SZT2: variants seen among roughly 807,000 people sequenced by gnomAD.
The protein encoded by SZT2 is KICSTOR complex protein SZT2.
SZT2 carries 216 observed loss-of-function variants against 404.2 expected under a neutral mutation model. The observed-to-expected ratio is 0.53, with a 90% confidence interval of 0.48 to 0.60. The LOEUF (loss-of-function observed/expected upper bound fraction) is 0.60. Ranked by LOEUF, SZT2 falls within the 20% of genes least tolerant of loss-of-function variation. The pLI is 0.00. For synonymous variants in SZT2, 1,693 were observed against 1,749.9 expected (o/e 0.97, Z 0.81); for missense variants, 3,857 against 4,459.2 (o/e 0.86, Z 3.85).
chr1:43,433,661 A>C (rs919775618), intron 40 of SZT2, among the ~76,000 whole-genome samples: 5 of 152,210 alleles, frequency 3.3e-5, no homozygotes, highest in Admixed American at 6.5e-5. Flanking sequence ...AGGCGCCTGT[A>C]GTCCCAGCTA....
rs1250682532 is a variant in SZT2 at position 43,441,628 on chromosome 1, C to G, written c.7609+27C>G. 1.9e-6 allele frequency: 3 copies of G among 1,613,966 alleles called. No individual in the cohort carries two copies. The South Asian group carries it at 3.3e-5, about 18-fold the overall frequency. On this transcript the variant is annotated intron_variant, in intron 54 of 71. Transcript: ENST00000634258. This position sits in a 1 kb window ranked among gnomAD's most constrained non-coding sequence, Gnocchi z 4.8. ...TGAGACCCCAGCCTCCCCTCCCATC[C>G]CTCAACCCCAGCCTGGTCTCCATCC...
At chr1:43,406,154 C>T in intron 4 of SZT2, 1 of 216,382 alleles carries the variant, frequency 4.6e-6, no homozygotes, top group Non-Finnish European at 9.7e-6. Context: ...GTGGTGCAAC[C>T]TTGGCTCACT....
chr1:43,421,658 A>G (rs956457853), intron 11 of SZT2, among the ~76,000 whole-genome samples: 7 of 152,220 alleles, frequency 4.6e-5, no homozygotes, highest in African/African-American at 1.7e-4. Context: ...ACCAGCCACC[A>G]TGAACTGTGT....
Position 43,441,695 on chromosome 1 carries a change from C to T in SZT2, c.7619C>T (p.Ser2540Leu), listed in dbSNP as rs1460008438. The change falls in exon 55 of 72, where the codon TCA (serine) becomes TTA (leucine). Residue 2540 changes from serine (S) to leucine (L), a missense_variant. Ser to Leu is a moderately radical substitution (Grantham distance 145). Coordinates refer to ENST00000634258, the MANE Select transcript of SZT2 (RefSeq NM_001365999.1). This position sits in a 1 kb window ranked among gnomAD's most constrained non-coding sequence, Gnocchi z 4.8. ...CTCCTCTGCCTCCTAGGTTGTGCCT[C>T]AGTGTCCAGAAGCTCTGCCCACATG... is the stretch of plus-strand genomic sequence containing the variant. ...MEFMVQIGCA[S>L]VSRSSAHMVS... 1.9e-6 allele frequency: 3 copies of T among 1,614,200 alleles called. No individual in the cohort carries two copies.
At chr1:43,395,921 TAGA>T (rs996598448) in intron 1 of SZT2, among the ~76,000 whole-genome samples, 4 of 152,186 alleles carry the variant, frequency 2.6e-5, no homozygotes, top group South Asian at 2.1e-4. Flanking sequence ...AGAGATTTAG[TAGA>T]AGAAGAAACA....
intron 65 of SZT2, 126 bp downstream of exon 65, chr1:43,446,542 GCTAT>G: frequency 2.6e-6 from 3 of 1,147,616 alleles, no homozygotes; most frequent in Non-Finnish European, 2.5e-6. Context: ...TTGATTCACT[GCTAT>G]GGCCTGGCTA....
chr1:43,453,803 G>A lies in SZT2; in HGVS notation c.*3323G>A. 1 of 1,257,048 alleles carries A rather than the reference G, an allele frequency of 8.0e-7. No individual in the cohort carries two copies. Among genetic ancestry groups the A allele is most frequent in the Admixed American group, 4.1e-5 (1 of 24,316 alleles). 77.9% of individuals were successfully genotyped at this position (1,257,048 alleles called of 1,614,324 possible). A position where few individuals can be genotyped will look rare whatever the true frequency, so the allele number is the denominator to read the frequency against. On this transcript the variant is annotated 3_prime_UTR_variant, in exon 72 of 72. Coordinates refer to ENST00000634258, the MANE Select transcript of SZT2 (RefSeq NM_001365999.1). ...AGCGCAGCGGCGCCATGCCTGGGGA[G>A]GCCGGGCCGGGCGGAGTCCGCGGGA...
chr1:43,424,590 A>G lies in SZT2; in HGVS notation c.2471+158A>G, dbSNP rs1458046050. On this transcript the variant is annotated intron_variant, in intron 16 of 71. Transcript: ENST00000634258. This position sits in a 1 kb window ranked among gnomAD's most constrained non-coding sequence, Gnocchi z 4.1. ...ACTGCCCTCCCTGTCTCCTCCCATCACCCGATTTGTTTTGTCCTCTCTCAT... is the reference window on the plus strand; with the variant it reads ...ACTGCCCTCCCTGTCTCCTCCCATCGCCCGATTTGTTTTGTCCTCTCTCAT... 6.6e-6 allele frequency among the ~76,000 whole-genome samples: 1 copy of G among 151,922 alleles called. No individual in the cohort carries two copies.
rs1656349967 is a variant in SZT2 at position 43,451,121 on chromosome 1, G to A, written c.*641G>A. The A allele has an allele frequency of 1.0e-6, 1 of 995,200 alleles. No individual in the cohort carries two copies. The highest frequency in any genetic ancestry group is 1.6e-6 in the Non-Finnish European group (1 of 622,634). The allele number at this position is 995,200 out of a possible 1,614,324, so 61.6% of individuals were successfully genotyped here. A position where few individuals can be genotyped will look rare whatever the true frequency, so the allele number is the denominator to read the frequency against. ...GAGAAACTGAAGTGTTAGACACTAT[G>A]TGTCCCACCACCCCATTACAGAGAC... On this transcript the variant is annotated 3_prime_UTR_variant, in exon 72 of 72. Transcript: ENST00000634258.
In SZT2 at chr1:43,426,621, T is replaced by G; in HGVS notation, c.3214+83T>G. 1 of 1,514,530 alleles carries G rather than the reference T, an allele frequency of 6.6e-7. No individual in the cohort carries two copies. Among genetic ancestry groups the G allele is most frequent in the East Asian group, 2.5e-5 (1 of 40,598 alleles). 93.8% of individuals were successfully genotyped at this position (1,514,530 alleles called of 1,614,324 possible). A position where few individuals can be genotyped will look rare whatever the true frequency, so the allele number is the denominator to read the frequency against. ...TCACAGGGTGATTTCTGTCTTTGAGTTTTGGCTTTCCCCTTCCTCCCCCTT... is the reference window on the plus strand; with the variant it reads ...TCACAGGGTGATTTCTGTCTTTGAGGTTTGGCTTTCCCCTTCCTCCCCCTT... On this transcript the variant is annotated intron_variant, in intron 22 of 71. Coordinates refer to ENST00000634258, the MANE Select transcript of SZT2 (RefSeq NM_001365999.1). This position sits in a 1 kb window ranked among gnomAD's most constrained non-coding sequence, Gnocchi z 4.9.
chr1:43,428,417 G>A lies in SZT2; in HGVS notation c.4097G>A (p.Gly1366Glu). ...CCAAGTCCTGGTCCTCTCAGCCCTG[G>A]GCCCTTCAGCAGCAGCATGGAGGAG... is the stretch of plus-strand genomic sequence containing the variant. ...APPSPGPLSP[G>E]PFSSSMEEGA... is the part of the protein sequence containing the mutation. Residue 1366 changes from glycine to glutamate, a missense_variant, in exon 28 of 72, where the codon GGG (glycine) becomes GAG (glutamate). Physicochemically the swap from Gly to Glu is moderately conservative, Grantham distance 98 (BLOSUM62 -2). Coordinates refer to ENST00000634258, the MANE Select transcript of SZT2 (RefSeq NM_001365999.1). 1 of 1,614,142 alleles carries A rather than the reference G, an allele frequency of 6.2e-7. No individual in the cohort carries two copies. Among genetic ancestry groups the A allele is most frequent in the Non-Finnish European group, 8.5e-7 (1 of 1,180,020 alleles).
chr1:43,438,309 T>C, intron 46 of SZT2: 1 of 340,038 alleles, frequency 2.9e-6, no homozygotes, highest in South Asian at 2.7e-5. Flanking sequence ...AGGATGGTTA[T>C]TTGGGATATA....
intron 40 of SZT2, among the ~76,000 whole-genome samples, chr1:43,433,500 G>A (rs1654144559): frequency 6.6e-6 from 1 of 152,186 alleles, no homozygotes; most frequent in South Asian, 2.1e-4. Context: ...AGCATAATAA[G>A]GCTGGGCGTG....
At chr1:43,446,290 C>T in intron 64 of SZT2, 31 bp downstream of exon 64, 1 of 1,613,986 alleles carries the variant, frequency 6.2e-7, no homozygotes, top group African/African-American at 1.3e-5. Flanking sequence ...GTGGAGACAG[C>T]CAGACCCACC....
chr1:43,409,445 G>A, intron 4 of SZT2: 2 of 376,342 alleles, frequency 5.3e-6, no homozygotes, highest in Admixed American at 3.6e-5. Context: ...GAGAAAGAAA[G>A]AAAGGTCATC....
chr1:43,440,024 C>G lies in SZT2; in HGVS notation c.7186C>G (p.Leu2396Val), dbSNP rs746965016. 1 of 1,614,060 alleles carries G rather than the reference C, an allele frequency of 6.2e-7. No homozygotes were observed. The highest frequency in any genetic ancestry group is 8.5e-7 in the Non-Finnish European group (1 of 1,179,960). The change falls in exon 51 of 72, where the codon CTA (leucine) becomes GTA (valine). Residue 2396 changes from leucine (L) to valine (V), a missense_variant. By Grantham distance (32) the Leu-to-Val change is conservative (BLOSUM62 1). This residue lies in a region of SZT2 where 573 missense variants were observed against 592.4 expected (regional missense o/e 0.97). Transcript: ENST00000634258. ...CGAGCTTCAGCTGCTGCCAGCTTCA[C>G]TATGTACAGAGGACACACCCACAGG... The part of the protein sequence containing the change: ...IIELQLLPAS[L>V]CTEDTPTGSL...
intron 10 of SZT2, 32 bp downstream of exon 10, chr1:43,421,015 C>T: frequency 3.1e-6 from 5 of 1,595,416 alleles, no homozygotes; most frequent in Non-Finnish European, 4.2e-6. Flanking sequence ...TGAGTGCTGC[C>T]CCATTTGTTG....
intron 1 of SZT2, among the ~76,000 whole-genome samples, chr1:43,396,154 G>T (rs1411739570): frequency 2.6e-5 from 4 of 152,082 alleles, no homozygotes; most frequent in Non-Finnish European, 4.4e-5. Flanking sequence ...GTTCCATTCT[G>T]GTCCCCACAT....
At chr1:43,392,484 G>C (rs1648514537) in intron 1 of SZT2, among the ~76,000 whole-genome samples, 1 of 146,024 alleles carries the variant, frequency 6.8e-6, no homozygotes, top group South Asian at 2.1e-4. Context: ...GTGCGATCTT[G>C]GCTCACTGCA....
Sources: gnomAD v4.1 joint callset for allele counts (sites outside exome capture counted in the v4.1 genomes callset) on GRCh38, gnomAD v4.1.1 for gene constraint, gnomAD v4.1.1 regional missense constraint, Gnocchi (gnomAD v3.1) non-coding constraint, MANE v1.5 for transcripts, NCBI Gene and HGNC (gene_info 2026-07-23, HGNC 2026-07-21) for gene names.